SEMA3D: variants seen among roughly 807,000 people sequenced by gnomAD.
The protein encoded by SEMA3D is semaphorin-3D.
In SEMA3D, 84 loss-of-function variants were observed where a neutral mutation model predicts 100.1. That is an observed-to-expected ratio of 0.84 (90% CI 0.70 to 1.01). The LOEUF (loss-of-function observed/expected upper bound fraction) is 1.01, where lower values mean the gene tolerates loss of function less well. SEMA3D is among the 50% of genes least tolerant of loss of function. The probability of loss-of-function intolerance (pLI) is 0.00; values close to 1 mark genes in which losing one functional copy is unlikely to be tolerated. For synonymous variants in SEMA3D, 312 were observed against 320.7 expected (o/e 0.97, Z 0.29); for missense variants, 875 against 934.1 (o/e 0.94, Z 0.82).
chr7:85,147,099 T>TTTTTTTC (rs1790235731), intron 2 of SEMA3D, among the ~76,000 whole-genome samples: 1 of 113,574 alleles, frequency 8.8e-6, no homozygotes, highest in Non-Finnish European at 1.7e-5. Context: ...TTTCTTTTTT[T>TTTTTTTC]TTTTTTTTTT....
At chr7:85,125,782 T>TTG (rs751709993) in intron 2 of SEMA3D, among the ~76,000 whole-genome samples, 2 of 131,240 alleles carry the variant, frequency 1.5e-5, no homozygotes, top group South Asian at 2.6e-4. Flanking sequence ...TTTGCTGTCT[T>TTG]CGTGTGTGTG....
At chr7:85,051,298 T>A (rs1791157781) in intron 9 of SEMA3D, among the ~76,000 whole-genome samples, 1 of 151,902 alleles carries the variant, frequency 6.6e-6, no homozygotes, top group African/African-American at 2.4e-5. Flanking sequence ...CAGGCAAAAG[T>A]CATTGATGAT....
the SEMA3D span, among the ~76,000 whole-genome samples, chr7:85,225,033 C>G: frequency 4.7e-5 from 6 of 128,486 alleles, no homozygotes; most frequent in African/African-American, 1.7e-4. Context: ...TTGAGAATCA[C>G]TGCTCCTGAT....
chr7:85,098,810 T>C (rs973291217), intron 3 of SEMA3D, among the ~76,000 whole-genome samples: 15 of 151,864 alleles, frequency 9.9e-5, no homozygotes, highest in Admixed American at 4.6e-4. Context: ...GCCTTAAAAA[T>C]TGTCTGTGCT....
chr7:85,073,238 G>A (rs1036738761), intron 5 of SEMA3D, among the ~76,000 whole-genome samples, 157 bp from the exon 6 acceptor site: 11 of 152,092 alleles, frequency 7.2e-5, no homozygotes, highest in Non-Finnish European at 1.2e-4. Flanking sequence ...TGTAGCAAAC[G>A]AGGCAAGACA....
chr7:85,033,085 C>T (rs1054821524), intron 12 of SEMA3D, among the ~76,000 whole-genome samples: 2 of 151,850 alleles, frequency 1.3e-5, no homozygotes, highest in African/African-American at 4.8e-5. Flanking sequence ...TTCTTTAGTC[C>T]TAATCATGCT....
Position 84,999,116 on chromosome 7 carries a change from T to TATC in SEMA3D, c.*321_*323dup, listed in dbSNP as rs1789579216. 3.0e-6 allele frequency: 1 copy of TATC among 331,174 alleles called. No individual in the cohort carries two copies. Among genetic ancestry groups the TATC allele is most frequent in the African/African-American group, 2.1e-5 (1 of 47,224 alleles). The allele number at this position is 331,174 out of a possible 1,614,324, so 20.5% of individuals were successfully genotyped here. On this transcript the variant is annotated 3_prime_UTR_variant, in exon 19 of 19. Transcript: ENST00000284136. ...CGAGGGAATAAAGCACCTTATACAC[T>TATC]ATCAAATTCGGGGCTTGCTTAGCTC...
rs117209500 is a variant in SEMA3D, at chr7:85,105,967, A to G, written c.152-8002T>C. On this transcript the variant is annotated intron_variant, in intron 3 of 18. Coordinates refer to ENST00000284136, the MANE Select transcript of SEMA3D (RefSeq NM_001384900.1). ...TTTGTTCTTATTTGGCCAGCTTTCA[A>G]TAGTGGATGCTTTATATAATCCATC... is the stretch of plus-strand genomic sequence containing the variant. Among the ~76,000 whole-genome samples the G allele has an allele frequency of 9.0e-3, 1,371 of 152,206 alleles. 8 individuals are homozygous for G. Among genetic ancestry groups the G allele is most frequent in the Non-Finnish European group, 0.014 (929 of 67,990 alleles).
rs565062673 is a variant in SEMA3D at position 85,149,474 on chromosome 7, AAAAC to A, written c.-41+4130_-41+4133del. 5.0e-3 allele frequency among the ~76,000 whole-genome samples: 761 copies of A among 152,186 alleles called. 8 individuals carry two copies. The highest frequency in any genetic ancestry group is 0.017 in the African/African-American group (711 of 41,548). On this transcript the variant is annotated intron_variant, in intron 2 of 18. Transcript: ENST00000284136. ...AAAAATAAATAAACAGCAAAAAATGAAAACAAACAAACAAACAAAAACCAAAAGT... is the reference window on the plus strand; with the variant it reads ...AAAAATAAATAAACAGCAAAAAATGAAAACAAACAAACAAAAACCAAAAGT...
At chr7:85,169,096 T>C (rs916826057) in intron 1 of SEMA3D, among the ~76,000 whole-genome samples, 6 of 151,688 alleles carry the variant, frequency 4.0e-5, no homozygotes, top group African/African-American at 1.5e-4. Context: ...ATGAGATACA[T>C]TAGAAAAAAA....
chr7:85,205,999 G>C, the SEMA3D span, among the ~76,000 whole-genome samples: 2 of 152,024 alleles, frequency 1.3e-5, no homozygotes, highest in African/African-American at 4.8e-5. Context: ...TGACCTCCCT[G>C]GCAGTCTCTC....
At chr7:85,219,607 A>G in the SEMA3D span, among the ~76,000 whole-genome samples, 1 of 152,078 alleles carries the variant, frequency 6.6e-6, no homozygotes, top group Non-Finnish European at 1.5e-5. Context: ...ACAGAAGGAT[A>G]CAGAGTCATA....
chr7:85,193,605 T>C, the SEMA3D span, among the ~76,000 whole-genome samples: 6 of 151,846 alleles, frequency 4.0e-5, no homozygotes, highest in Admixed American at 6.6e-5. Context: ...AAGTAGAAAA[T>C]ATTCAACTCC....
At chr7:85,203,779 T>C in the SEMA3D span, among the ~76,000 whole-genome samples, 35 of 151,970 alleles carry the variant, frequency 2.3e-4, no homozygotes, top group Non-Finnish European at 4.3e-4. Flanking sequence ...AGCAAGGACT[T>C]TACAGATTGA....
At chr7:85,091,411 C>G (rs975027993) in intron 4 of SEMA3D, among the ~76,000 whole-genome samples, 3 of 151,658 alleles carry the variant, frequency 2.0e-5, no homozygotes, top group Non-Finnish European at 4.4e-5. Flanking sequence ...ATGGAAGGAT[C>G]CCAACAATTC....
the SEMA3D span, among the ~76,000 whole-genome samples, chr7:85,199,957 T>C: frequency 6.6e-6 from 1 of 152,168 alleles, no homozygotes; most frequent in Non-Finnish European, 1.5e-5. Context: ...GAAGTTCCCC[T>C]GCACAAACTC....
At chr7:85,123,539 T>C (rs1279353128) in intron 2 of SEMA3D, among the ~76,000 whole-genome samples, 1 of 152,118 alleles carries the variant, frequency 6.6e-6, no homozygotes, top group African/African-American at 2.4e-5. Context: ...TTCAGTTACC[T>C]TAAATCTCAG....
At chr7:85,082,102 C>A (rs1433942541) in intron 4 of SEMA3D, among the ~76,000 whole-genome samples, 1 of 152,180 alleles carries the variant, frequency 6.6e-6, no homozygotes, top group Non-Finnish European at 1.5e-5. Context: ...TATAAGCATT[C>A]TCTTACTTAA....
At chr7:85,163,651 T>C (rs1342572144) in intron 1 of SEMA3D, among the ~76,000 whole-genome samples, 1 of 152,040 alleles carries the variant, frequency 6.6e-6, no homozygotes, top group Non-Finnish European at 1.5e-5. Flanking sequence ...CTATGAAAAA[T>C]GTAAATTCAT....
Sources: gnomAD v4.1 joint callset for allele counts (sites outside exome capture counted in the v4.1 genomes callset) on GRCh38, gnomAD v4.1.1 for gene constraint, MANE v1.5 for transcripts, NCBI Gene and HGNC (gene_info 2026-07-23, HGNC 2026-07-21) for gene names.